Variants in TLE1 observed in about 807,000 individuals in gnomAD.
TLE1 encodes TLE family member 1, transcriptional corepressor, also known as transducin-like enhancer protein 1.
Under a neutral mutation model 89.8 loss-of-function variants are expected in TLE1, and 21 were observed. That is an observed-to-expected ratio of 0.23 (90% CI 0.17 to 0.34). TLE1 has a LOEUF of 0.34. Among genes scored for constraint, TLE1 ranks in the 10% least tolerant of loss-of-function variants. TLE1 has a pLI of 1.00. For synonymous variants in TLE1, 447 were observed against 407.6 expected, an observed-to-expected ratio of 1.10 and a Z score of -1.16; for missense variants, 795 against 1,031.2, an observed-to-expected ratio of 0.77 and a Z score of 3.14.
intron 4 of TLE1, among the ~76,000 whole-genome samples, chr9:81,679,650 C>A (rs138813120): frequency 1.3e-5 from 2 of 151,924 alleles, no homozygotes; most frequent in Admixed American, 6.6e-5. Flanking sequence ...ATAAGCCCAC[C>A]GACAGAAACA....
chr9:81,664,409 TCA>T (rs1312549680), intron 4 of TLE1, among the ~76,000 whole-genome samples: 1 of 152,248 alleles, frequency 6.6e-6, no homozygotes, highest in Non-Finnish European at 1.5e-5. Flanking sequence ...TATCTGCTAC[TCA>T]GAGTCTTAAG....
At chr9:81,616,330 A>C (rs1824509094) in intron 10 of TLE1, among the ~76,000 whole-genome samples, 196 bp from the exon 11 acceptor site, 1 of 152,144 alleles carries the variant, frequency 6.6e-6, no homozygotes, top group Non-Finnish European at 1.5e-5. Context: ...ATAAAAAAAA[A>C]ACCCCGCAGT....
At chr9:81,615,930 C>T in intron 11 of TLE1, 52 bp downstream of exon 11, 1 of 1,606,958 alleles carries the variant, frequency 6.2e-7, no homozygotes, top group Non-Finnish European at 8.5e-7. Flanking sequence ...TCCTCCAGTC[C>T]ACAATGAAAA....
chr9:81,623,285 G>T (rs924236290), intron 8 of TLE1, among the ~76,000 whole-genome samples: 2 of 151,998 alleles, frequency 1.3e-5, no homozygotes, highest in African/African-American at 4.8e-5. Context: ...CAGTCATTTT[G>T]ATGGCCATTA....
At chr9:81,677,947 A>C (rs538755707) in intron 4 of TLE1, among the ~76,000 whole-genome samples, 9 of 152,330 alleles carry the variant, frequency 5.9e-5, no homozygotes, top group African/African-American at 1.9e-4. Context: ...TGAAAAAGTT[A>C]ATTCAACGGA....
intron 8 of TLE1, among the ~76,000 whole-genome samples, chr9:81,622,047 A>G (rs1158049926): frequency 1.3e-5 from 2 of 152,290 alleles, no homozygotes; most frequent in East Asian, 1.9e-4. Flanking sequence ...ACCTAGATAC[A>G]TGTCCGCTAA....
chr9:81,603,071 T>A (rs909860269), intron 14 of TLE1, among the ~76,000 whole-genome samples: 2 of 152,208 alleles, frequency 1.3e-5, no homozygotes, highest in Admixed American at 6.5e-5. Flanking sequence ...CCACTCTGAT[T>A]GACAACAGCG....
intron 8 of TLE1, 95 bp downstream of exon 8, chr9:81,633,253 T>C: frequency 6.3e-7 from 1 of 1,594,394 alleles, no homozygotes; most frequent in Non-Finnish European, 8.6e-7. Context: ...CATGTCTGTC[T>C]GTGCCTGTGT....
rs1188620962 is a variant in TLE1, at chr9:81,634,108, T to C, written c.566A>G (p.Glu189Gly). The C allele has an allele frequency of 1.9e-6, 3 of 1,608,264 alleles. No individual in the cohort carries two copies. Among genetic ancestry groups the C allele is most frequent in the African/African-American group, 2.7e-5 (2 of 74,892 alleles). Residue 189 changes from glutamate (E) to glycine (G), a missense_variant, in exon 7 of 20, where the codon GAG (glutamate) becomes GGG (glycine). Glu to Gly is a moderately conservative substitution (Grantham distance 98). Around this residue, in one of 4 missense-constraint regions of TLE1, gnomAD observed 468 missense variants for 509.1 expected, o/e 0.92. Coordinates refer to ENST00000376499, the MANE Select transcript of TLE1 (RefSeq NM_005077.5). ...IKDDKKHHDAEHHRDREPGTS... is the reference protein window; with the variant it reads ...IKDDKKHHDAGHHRDREPGTS... ...GCCCGGCCTCTCACCTCTGTGGTGC[T>C]CTGCATCGTGGTGCTTCTTGTCATC...
At chr9:81,649,569 T>C (rs1276554847) in intron 6 of TLE1, among the ~76,000 whole-genome samples, 1 of 152,212 alleles carries the variant, frequency 6.6e-6, no homozygotes, top group African/African-American at 2.4e-5. Flanking sequence ...GTAATAGATG[T>C]CTAAACCGTT....
intron 4 of TLE1, among the ~76,000 whole-genome samples, chr9:81,660,853 T>C (rs975638293): frequency 6.7e-6 from 1 of 150,034 alleles, no homozygotes; most frequent in Admixed American, 6.7e-5. Flanking sequence ...TCCCAGCACT[T>C]TGGGAGGCCG....
At chr9:81,588,440 G>A (rs1020751416) in intron 16 of TLE1, among the ~76,000 whole-genome samples, 1 of 152,076 alleles carries the variant, frequency 6.6e-6, no homozygotes, top group African/African-American at 2.4e-5. Context: ...AGAGACAAAG[G>A]GTCACGCATG....
intron 6 of TLE1, among the ~76,000 whole-genome samples, chr9:81,641,134 A>T (rs534766388): frequency 6.0e-4 from 91 of 152,280 alleles, no homozygotes; most frequent in African/African-American, 2.2e-3. Context: ...GTTCTCTCCA[A>T]ATCACTCTTC....
chr9:81,641,389 C>T (rs1434663079), intron 6 of TLE1, among the ~76,000 whole-genome samples: 2 of 152,054 alleles, frequency 1.3e-5, no homozygotes, highest in African/African-American at 2.4e-5. Context: ...GAAGAAACTG[C>T]TTATGGGGCC....
chr9:81,656,348 A>T (rs1382579748), intron 4 of TLE1, among the ~76,000 whole-genome samples: 1 of 152,170 alleles, frequency 6.6e-6, no homozygotes, highest in Non-Finnish European at 1.5e-5. Flanking sequence ...TATCCTACTT[A>T]GGTCCTTGCT....
chr9:81,648,758 T>C (rs1266269821), intron 6 of TLE1, among the ~76,000 whole-genome samples: 2 of 152,180 alleles, frequency 1.3e-5, no homozygotes, highest in African/African-American at 4.8e-5. Context: ...ACAAATAAGA[T>C]GTTACAACAT....
chr9:81,672,076 C>T (rs1364013159), intron 4 of TLE1, among the ~76,000 whole-genome samples: 1 of 152,176 alleles, frequency 6.6e-6, no homozygotes, highest in Non-Finnish European at 1.5e-5. Context: ...GGCCACTTCT[C>T]AAGCTAAGCA....
intron 14 of TLE1, among the ~76,000 whole-genome samples, chr9:81,599,332 A>G (rs1192898188): frequency 6.6e-6 from 1 of 152,140 alleles, no homozygotes; most frequent in Non-Finnish European, 1.5e-5. Flanking sequence ...TAGCTTCCAC[A>G]TCAGCACTAC....
chr9:81,669,381 G>C (rs1290919265), intron 4 of TLE1, among the ~76,000 whole-genome samples: 1 of 152,178 alleles, frequency 6.6e-6, no homozygotes, highest in African/African-American at 2.4e-5. Context: ...CACAAGCCAG[G>C]AACCAGTTAA....
Sources: allele counts gnomAD v4.1 joint callset (sites outside exome capture counted in the v4.1 genomes callset), GRCh38; gene constraint gnomAD v4.1.1; regional missense constraint gnomAD v4.1.1; transcripts MANE v1.5; gene names NCBI Gene and HGNC (gene_info 2026-07-23, HGNC 2026-07-21).